Variants in CDC27 observed in about 807,000 individuals in gnomAD.
The protein encoded by CDC27 is cell division cycle protein 27 homolog.
A neutral mutation model predicts 109.7 loss-of-function variants in CDC27; 27 were observed. The observed-to-expected ratio is 0.25, with a 90% CI of 0.18 to 0.34. The LOEUF is 0.34. Ranked by LOEUF, CDC27 falls within the 10% of genes least tolerant of loss-of-function variation. CDC27 has a pLI of 1.00. For missense variants in CDC27, 579 were observed against 960.2 expected (o/e 0.60, Z 5.25); for synonymous variants, 266 against 333.9 (o/e 0.80, Z 2.22).
chr17:47,123,010 T>G (rs2062022880), intron 17 of CDC27, among the ~76,000 whole-genome samples: 1 of 152,186 alleles, frequency 6.6e-6, no homozygotes, highest in South Asian at 2.1e-4. Context: ...GCTCCTGATT[T>G]ATGTGCTCTA....
chr17:47,138,649 T>C, intron 13 of CDC27, 90 bp downstream of exon 13: 1 of 876,228 alleles, frequency 1.1e-6, no homozygotes, highest in Non-Finnish European at 1.8e-6. Context: ...TGGGTGACAC[T>C]AAATAGTGTT....
intron 16 of CDC27, among the ~76,000 whole-genome samples, chr17:47,125,214 C>A (rs940921895): frequency 6.7e-6 from 1 of 149,950 alleles, no homozygotes; most frequent in South Asian, 2.1e-4. Flanking sequence ...GCCACTGCAC[C>A]CGGCCTTACT....
At chr17:47,123,265 C>A (rs1004095793) in intron 17 of CDC27, among the ~76,000 whole-genome samples, 2 of 152,070 alleles carry the variant, frequency 1.3e-5, no homozygotes, top group Admixed American at 6.6e-5. Context: ...TACAACTGTC[C>A]ACAGTCACCT....
intron 15 of CDC27, among the ~76,000 whole-genome samples, chr17:47,129,767 T>A (rs2062262141): frequency 6.6e-6 from 1 of 152,212 alleles, no homozygotes; most frequent in Non-Finnish European, 1.5e-5. Context: ...AGTCTAGAGA[T>A]CTTAAATAAT....
chr17:47,149,077 CAA>C (rs71138591), intron 9 of CDC27, among the ~76,000 whole-genome samples: 5 of 66,888 alleles, frequency 7.5e-5, no homozygotes, highest in Admixed American at 1.6e-4. Flanking sequence ...GACTCTGTCT[CAA>C]AAAAAAAAAA....
At chr17:47,169,645 CAAA>C (rs373074410) in intron 4 of CDC27, among the ~76,000 whole-genome samples, 2 of 60,134 alleles carry the variant, frequency 3.3e-5, no homozygotes, top group African/African-American at 1.1e-4. Flanking sequence ...AACTCCATCT[CAAA>C]AAAAAAAAAA....
intron 7 of CDC27, 46 bp from the exon 8 acceptor site, chr17:47,154,832 A>G (rs2063252315): frequency 1.1e-6 from 1 of 883,502 alleles, no homozygotes; most frequent in East Asian, 2.5e-5. Context: ...ATCAAGGCAT[A>G]TATAAAGCAG....
rs11570572 is a variant in CDC27, at chr17:47,122,440, T to C, written c.2392+4A>G. ...ATACTCAAAATCATATGTATGATAC[T>C]TACTGATCTGTTCTTCTTGGGTTAT... On this transcript the variant is annotated splice_donor_region_variant and intron_variant, in intron 18 of 18. Coordinates refer to ENST00000066544, the MANE Select transcript of CDC27 (RefSeq NM_001256.6). 8.4e-5 allele frequency: 133 copies of C among 1,586,884 alleles called. No homozygotes were observed. In the East Asian group the frequency reaches 1.5e-3, roughly 17 times the overall value.
chr17:47,159,991 A>T, intron 4 of CDC27: 4 of 178,404 alleles, frequency 2.2e-5, no homozygotes, highest in South Asian at 1.5e-4. Flanking sequence ...CACTGCTGAA[A>T]CCTCTGCTTC....
At chr17:47,153,157 T>A (rs190431885) in intron 8 of CDC27, among the ~76,000 whole-genome samples, 94 of 152,346 alleles carry the variant, frequency 6.2e-4, no homozygotes, top group African/African-American at 2.2e-3. Flanking sequence ...CTGCACTCAA[T>A]ACCTGGTTTG....
intron 4 of CDC27, among the ~76,000 whole-genome samples, chr17:47,162,524 G>A (rs1021407202): frequency 2.9e-4 from 44 of 152,152 alleles, no homozygotes; most frequent in African/African-American, 1.0e-3. Context: ...CCAGCAGAAT[G>A]TGATATAAAA....
At chr17:47,188,571 C>G (rs1302872173) in intron 1 of CDC27, among the ~76,000 whole-genome samples, 1 of 152,060 alleles carries the variant, frequency 6.6e-6, no homozygotes, top group East Asian at 1.9e-4. Context: ...AGCACTGAGG[C>G]TTGGAGTTGT....
Position 47,122,461 on chromosome 17 carries a change from G to T in CDC27, c.2375C>A (p.Thr792Asn). Residue 792 changes from threonine (T) to asparagine (N), a missense_variant, in exon 18 of 19, where the codon ACC becomes AAC. Thr to Asn is a moderately conservative substitution (Grantham distance 65). Transcript: ENST00000066544. ...ATACTTACTGATCTGTTCTTCTTGG[G>T]TTATTGGCTCCTCATCATCTGGAAG... ...RYLPDDEEPITQEEQIMGTDE... is the reference protein window; with the variant it reads ...RYLPDDEEPINQEEQIMGTDE... The T allele has an allele frequency of 3.1e-6, 5 of 1,603,680 alleles. No individual in the cohort carries two copies. The highest frequency in any genetic ancestry group is 4.3e-6 in the Non-Finnish European group (5 of 1,174,466).
chr17:47,134,664 C>T (rs1026271681), intron 14 of CDC27, among the ~76,000 whole-genome samples: 3 of 151,770 alleles, frequency 2.0e-5, no homozygotes, highest in East Asian at 1.9e-4. Flanking sequence ...TTAGTAGAGG[C>T]GGGGTTTCAC....
intron 16 of CDC27, among the ~76,000 whole-genome samples, chr17:47,124,256 C>CTATCTATCT (rs1555780287): frequency 2.0e-5 from 3 of 148,166 alleles, no homozygotes; most frequent in South Asian, 2.2e-4. Context: ...TGCTTTTGGT[C>CTATCTATCT]ATCTATCTAT....
chr17:47,124,289 A>T (rs1385135646), intron 16 of CDC27, among the ~76,000 whole-genome samples: 2 of 150,998 alleles, frequency 1.3e-5, no homozygotes, highest in Non-Finnish European at 2.9e-5. Flanking sequence ...CTATCTATTC[A>T]TTTTTATTTA....
At chr17:47,132,988 CAT>C (rs1158266100) in intron 14 of CDC27, among the ~76,000 whole-genome samples, 580 of 40,802 alleles carry the variant, frequency 0.014, 3 homozygotes, top group African/African-American at 0.027. Flanking sequence ...TGCCCAGGCG[CAT>C]ATATATATAT....
rs1399657462 is a variant in CDC27 at position 47,118,799 on chromosome 17, A to T, written c.*2136T>A. On this transcript the variant is annotated 3_prime_UTR_variant, in exon 19 of 19. Transcript: ENST00000066544. ...CTACGTGGGAAATAAGGCTTCAAAT[A>T]CCTAAATGACTTTGAAAGTAGGTAT... 6.6e-6 allele frequency: 1 copy of T among 152,420 alleles called. No homozygotes were observed. The highest frequency in any genetic ancestry group is 2.4e-5 in the African/African-American group (1 of 41,450). The allele number at this position is 152,420 out of a possible 1,614,324, so 9.4% of individuals were successfully genotyped here.
intron 4 of CDC27, among the ~76,000 whole-genome samples, chr17:47,158,574 T>C (rs567665132): frequency 1.3e-5 from 2 of 152,202 alleles, no homozygotes; most frequent in Admixed American, 6.5e-5. Flanking sequence ...ACTAGAGTTA[T>C]TGAGGGAGAT....
Sources: allele counts gnomAD v4.1 joint callset (sites outside exome capture counted in the v4.1 genomes callset), GRCh38; gene constraint gnomAD v4.1.1; transcripts MANE v1.5; gene names NCBI Gene and HGNC (gene_info 2026-07-23, HGNC 2026-07-21).